Variants in COL12A1 observed in about 807,000 individuals in gnomAD.
COL12A1 encodes the protein collagen type XII alpha 1 chain.
COL12A1 carries 114 observed loss-of-function variants against 349.7 expected under a neutral mutation model. The ratio of observed to expected loss-of-function variants is 0.33; its 90% CI spans 0.28 to 0.38. COL12A1 has a LOEUF of 0.38. Ranked by LOEUF, COL12A1 falls within the 10% of genes least tolerant of loss-of-function variation. The pLI is 1.00. For synonymous variants in COL12A1, 1,369 were observed against 1,329.0 expected (o/e 1.03, Z -0.66); for missense variants, 3,284 against 3,756.9 (o/e 0.87, Z 3.29).
chr6:75,155,527 T>C lies in COL12A1; in HGVS notation c.3443+135A>G, dbSNP rs992860581. On this transcript the variant is annotated intron_variant, in intron 16 of 65. Coordinates refer to ENST00000322507, the MANE Select transcript of COL12A1 (RefSeq NM_004370.6). ...AGCACCAAGCATAAGAAAACAGCTT[T>C]AGCTGATTTTAAATACTTTGCTGGC... is the stretch of plus-strand genomic sequence containing the variant. The C allele has an allele frequency of 3.4e-6, 3 of 891,872 alleles. No individual in the cohort carries two copies. The African/African-American group carries it at 5.3e-5, about 16-fold the overall frequency. The allele number at this position is 891,872 out of a possible 1,614,324, so 55.2% of individuals were successfully genotyped here. A position where few individuals can be genotyped will look rare whatever the true frequency, so the allele number is the denominator to read the frequency against.
At position 75,151,863 on chromosome 6, in the gene COL12A1, G is replaced by C. The variant is rs375772555; in HGVS notation, c.4000+4C>G. On this transcript the variant is annotated splice_donor_region_variant and intron_variant, in intron 20 of 65. Transcript: ENST00000322507. ...GGGGCATCACTGTCCTTTTCAGTGC[G>C]TACCAATAGCAAACAGCTCCACTCC... 2.0e-5 allele frequency: 33 copies of C among 1,613,122 alleles called. No homozygotes were observed. The highest frequency in any genetic ancestry group is 2.7e-5 in the African/African-American group (2 of 74,808).
At position 75,084,714 on chromosome 6, in the gene COL12A1, A is replaced by G. The variant is rs1293527799; in HGVS notation, c.*1833T>C. On this transcript the variant is annotated 3_prime_UTR_variant, in exon 66 of 66. Coordinates refer to ENST00000322507, the MANE Select transcript of COL12A1 (RefSeq NM_004370.6). ...CTATGCCCCGGCGTATAACAGAGAT[A>G]GAAGAGGAAGATAAGTAATTGCAAT... The G allele has an allele frequency of 6.4e-6, 1 of 156,616 alleles. No individual in the cohort carries two copies. Among genetic ancestry groups the G allele is most frequent in the African/African-American group, 2.4e-5 (1 of 41,492 alleles). 9.7% of individuals were successfully genotyped at this position (156,616 alleles called of 1,614,324 possible).
intron 58 of COL12A1, among the ~76,000 whole-genome samples, chr6:75,100,611 T>C (rs1238131765): frequency 6.6e-6 from 1 of 152,088 alleles, no homozygotes; most frequent in Non-Finnish European, 1.5e-5. Context: ...TCCCCGAAAC[T>C]CAAAAGGAGG....
chr6:75,173,512 G>T (rs1768752446), intron 13 of COL12A1, among the ~76,000 whole-genome samples: 2 of 152,072 alleles, frequency 1.3e-5, no homozygotes, highest in Admixed American at 1.3e-4. Context: ...AAGTAGCTGG[G>T]ATTACAGGCA....
In COL12A1 at chr6:75,117,542, G is replaced by C. The variant is rs752364689; in HGVS notation, c.7359C>G (p.Phe2453Leu). The change falls in exon 47 of 66, where the codon TTC (phenylalanine) becomes TTG (leucine). Residue 2453 changes from phenylalanine (F) to leucine (L), a missense_variant. Physicochemically the swap from Phe to Leu is conservative, Grantham distance 22. This residue lies in a region of COL12A1 where 683 missense variants were observed against 932.1 expected (regional missense o/e 0.73). Coordinates refer to ENST00000322507, the MANE Select transcript of COL12A1 (RefSeq NM_004370.6). ...KAALVIQQSG[F>L]SVFVVGVADV... ...CAGCCACACCAACTACAAAGACACT[G>C]AACCCTGCAAAGTAGCATTTATAGA... 2 of 1,613,196 alleles carry C rather than the reference G, an allele frequency of 1.2e-6. No homozygotes were observed. The highest frequency in any genetic ancestry group is 2.2e-5 in the South Asian group (2 of 91,036).
At chr6:75,134,095 C>A in intron 32 of COL12A1, 98 bp from the exon 33 acceptor site, 1 of 1,307,748 alleles carries the variant, frequency 7.6e-7, no homozygotes. Context: ...TAGAACATAG[C>A]AGGCACCGCA....
At position 75,165,422 on chromosome 6, in the gene COL12A1, C is replaced by G. The variant is rs1768240966; in HGVS notation, c.2983+85G>C. 12 of 1,492,148 alleles carry G rather than the reference C, an allele frequency of 8.0e-6. No individual in the cohort carries two copies. In the South Asian group the frequency reaches 1.6e-4, roughly 20 times the overall value. The allele number at this position is 1,492,148 out of a possible 1,614,324, so 92.4% of individuals were successfully genotyped here. On this transcript the variant is annotated intron_variant, in intron 14 of 65. Coordinates refer to ENST00000322507, the MANE Select transcript of COL12A1 (RefSeq NM_004370.6). ...ATTTATCATGTAAAGAAAAAACATT[C>G]AAGTGATTAAACTGCATGTCACTTG...
Position 75,133,316 on chromosome 6 carries a change from C to T in COL12A1, c.5771G>A (p.Arg1924His), listed in dbSNP as rs751986784. 2.8e-5 allele frequency: 44 copies of T among 1,599,458 alleles called. No homozygotes were observed. Among genetic ancestry groups the T allele is most frequent in the African/African-American group, 4.0e-5 (3 of 74,326 alleles). Residue 1924 changes from arginine to histidine, a missense_variant, in exon 34 of 66, where the codon CGC (arginine) becomes CAC (histidine). This residue lies in a region of COL12A1 where 2,601 missense variants were observed against 2,824.8 expected (regional missense o/e 0.92). Transcript: ENST00000322507. ...ACATGTCCTTCCAGTATCTGATGTG[C>T]GTCCCCCATCACCTTCAGTATAAAC... The part of the protein sequence containing the change: ...VPVYTEGDGG[R>H]TSDTGRTLMR...
At chr6:75,114,729 T>C (rs937113543) in intron 49 of COL12A1, among the ~76,000 whole-genome samples, 1 of 152,134 alleles carries the variant, frequency 6.6e-6, no homozygotes, top group East Asian at 1.9e-4. Flanking sequence ...TCAAGAACTA[T>C]CTTTATAATA....
In COL12A1 at chr6:75,101,595, C is replaced by T. The variant is rs755686765; in HGVS notation, c.8523+5G>A. ...CATCATTGTAGCCTGCTCAAGAAAA[C>T]TTACTCTGTCTCCTGGAGGTCCCAT... On this transcript the variant is annotated splice_donor_5th_base_variant and intron_variant, in intron 58 of 65. Coordinates refer to ENST00000322507, the MANE Select transcript of COL12A1 (RefSeq NM_004370.6). 1 of 1,613,098 alleles carries T rather than the reference C, an allele frequency of 6.2e-7. No homozygotes were observed. The highest frequency in any genetic ancestry group is 8.5e-7 in the Non-Finnish European group (1 of 1,179,562).
Position 75,137,474 on chromosome 6 carries a change from G to A in COL12A1, c.5357C>T (p.Thr1786Ile). The stretch of plus-strand genomic sequence containing the variant: ...GCCTTCCCCTGTGGAAGGCTGATAA[G>A]TGATCCTATATTTCTGCACACGACC... ...ASGRVQKYRI[T>I]YQPSTGEGNE... Residue 1786 changes from threonine (T) to isoleucine (I), a missense_variant, in exon 31 of 66, where the codon ACT (threonine) becomes ATT (isoleucine). Thr to Ile is a moderately conservative substitution (Grantham distance 89, BLOSUM62 -1). This residue lies in a region of COL12A1 where 2,601 missense variants were observed against 2,824.8 expected (regional missense o/e 0.92). Coordinates refer to ENST00000322507, the MANE Select transcript of COL12A1 (RefSeq NM_004370.6). 1 of 1,613,430 alleles carries A rather than the reference G, an allele frequency of 6.2e-7. No individual in the cohort carries two copies. The highest frequency in any genetic ancestry group is 1.3e-5 in the African/African-American group (1 of 75,024).
rs376957850 is a variant in COL12A1, at chr6:75,175,090, C to T, written c.2658G>A (p.Leu886=). The T allele has an allele frequency of 5.1e-5, 83 of 1,614,074 alleles. No individual in the cohort carries two copies. The highest frequency in any genetic ancestry group is 4.8e-4 in the South Asian group (44 of 91,094). Residue 886 remains leucine, a synonymous_variant, in exon 13 of 66, where the codon TTG becomes TTA. Transcript: ENST00000322507. The part of the protein sequence containing the change: ...GTQYALSVTA[L]YASGAGDALF... The stretch of plus-strand genomic sequence containing the variant: ...GGGCGTCTCCAGCCCCAGACGCATA[C>T]AAGGCTGTCACAGATAAGGCGTATT...
chr6:75,130,715 C>T (rs924387448), intron 36 of COL12A1, 137 bp downstream of exon 36: 4 of 1,114,590 alleles, frequency 3.6e-6, no homozygotes, highest in Non-Finnish European at 5.1e-6. Flanking sequence ...AATGTTTTCG[C>T]CTGGAATGTA....
In COL12A1 at chr6:75,117,411, A is replaced by G. The variant is rs1228621705; in HGVS notation, c.7490T>C (p.Ile2497Thr). 8.1e-6 allele frequency: 13 copies of G among 1,613,522 alleles called. No individual in the cohort carries two copies. Among genetic ancestry groups the G allele is most frequent in the Admixed American group, 1.7e-5 (1 of 59,976 alleles). ...ESFEKIEDNLITFVCETATSS... is the reference protein window; with the variant it reads ...ESFEKIEDNLTTFVCETATSS... ...AGTGGCAGTTTCACAAACAAATGTA[A>G]TAAGATTGTCTTCGATCTTCTCAAA... Residue 2497 changes from isoleucine (I) to threonine (T), a missense_variant, in exon 47 of 66, where the codon ATT (isoleucine) becomes ACT (threonine). Ile to Thr is a moderately conservative substitution (Grantham distance 89). This residue lies in a region of COL12A1 where 683 missense variants were observed against 932.1 expected (regional missense o/e 0.73). Coordinates refer to ENST00000322507, the MANE Select transcript of COL12A1 (RefSeq NM_004370.6).
chr6:75,125,050 A>G, intron 40 of COL12A1, 77 bp downstream of exon 40: 2 of 1,400,898 alleles, frequency 1.4e-6, no homozygotes, highest in Non-Finnish European at 1.9e-6. Context: ...ATGTTCAGAA[A>G]CAGGAAATTA....
chr6:75,124,540 C>A (rs566744169), intron 40 of COL12A1, among the ~76,000 whole-genome samples, 169 bp from the exon 41 acceptor site: 1 of 152,126 alleles, frequency 6.6e-6, no homozygotes, highest in East Asian at 1.9e-4. Flanking sequence ...TGTGGTACTG[C>A]CAAAATAGAC....
chr6:75,132,147 C>T, intron 34 of COL12A1, 65 bp from the exon 35 acceptor site: 1 of 1,562,604 alleles, frequency 6.4e-7, no homozygotes, highest in Non-Finnish European at 8.7e-7. Flanking sequence ...TTTTGTATCA[C>T]TTTTCCAGAA....
rs1467342044 is a variant in COL12A1 at position 75,089,090 on chromosome 6, A to G, written c.9010+16T>C. 6.3e-7 allele frequency: 1 copy of G among 1,598,998 alleles called. No individual in the cohort carries two copies. Among genetic ancestry groups the G allele is most frequent in the Admixed American group, 1.7e-5 (1 of 58,738 alleles). On this transcript the variant is annotated intron_variant, in intron 64 of 65. Coordinates refer to ENST00000322507, the MANE Select transcript of COL12A1 (RefSeq NM_004370.6). The stretch of plus-strand genomic sequence containing the variant: ...TATTTATAGTCTTTGCCTGTTTAAA[A>G]TACTAGCAAACCTACCTGGGGGGCC...
rs1023324592 is a variant in COL12A1 at position 75,125,208 on chromosome 6, G to T, written c.6526C>A (p.Pro2176Thr). The change falls in exon 40 of 66, where the codon CCC becomes ACC. Residue 2176 changes from proline (P) to threonine (T), a missense_variant. Transcript: ENST00000322507. ...ACATTCACATCGTAGGTGGTGCTGG[G>T]ATTGAGATTGTGTAAGGTATATGAT... ...MTSYTLHNLNPSTTYDVNVYA... is the reference protein window; with the variant it reads ...MTSYTLHNLNTSTTYDVNVYA... The T allele has an allele frequency of 1.9e-6, 3 of 1,612,200 alleles. No homozygotes were observed. The South Asian group carries it at 3.3e-5, about 18-fold the overall frequency.
Sources: gnomAD v4.1 joint callset for allele counts (sites outside exome capture counted in the v4.1 genomes callset) on GRCh38, gnomAD v4.1.1 for gene constraint, gnomAD v4.1.1 regional missense constraint, MANE v1.5 for transcripts, NCBI Gene and HGNC (gene_info 2026-07-23, HGNC 2026-07-21) for gene names.